Variants in FNDC3A observed in about 807,000 individuals in gnomAD.
FNDC3A encodes fibronectin type-III domain-containing protein 3A.
In FNDC3A, 32 loss-of-function variants were observed where a neutral mutation model predicts 148.9. That is an observed-to-expected ratio of 0.21 (90% CI 0.16 to 0.29). The LOEUF (loss-of-function observed/expected upper bound fraction) is 0.29. Ranked by LOEUF, FNDC3A falls within the 10% of genes least tolerant of loss-of-function variation. The pLI is 1.00. For missense variants in FNDC3A, 1,191 were observed against 1,452.8 expected, an observed-to-expected ratio of 0.82 and a Z score of 2.93; for synonymous variants, 472 against 473.6, an observed-to-expected ratio of 1.00 and a Z score of 0.04.
chr13:49,158,658 A>T (rs1883883762), intron 8 of FNDC3A, among the ~76,000 whole-genome samples: 1 of 152,150 alleles, frequency 6.6e-6, no homozygotes. Flanking sequence ...TTTTGTTGCC[A>T]TTGCTTTCGG....
intron 3 of FNDC3A, among the ~76,000 whole-genome samples, chr13:49,078,189 A>C (rs1878241644): frequency 6.6e-6 from 1 of 152,204 alleles, no homozygotes; most frequent in African/African-American, 2.4e-5. Flanking sequence ...GGATAACCAG[A>C]CCCTGAATTA....
At chr13:48,995,458 A>G (rs1211584440) in intron 1 of FNDC3A, among the ~76,000 whole-genome samples, 1 of 152,120 alleles carries the variant, frequency 6.6e-6, no homozygotes, top group Admixed American at 6.5e-5. Context: ...TTAAGCATAA[A>G]TCTTTTGAAT....
intron 1 of FNDC3A, among the ~76,000 whole-genome samples, chr13:48,992,880 T>G (rs1023218435): frequency 6.6e-6 from 1 of 152,200 alleles, no homozygotes; most frequent in African/African-American, 2.4e-5. Flanking sequence ...CAAGTAGTTA[T>G]AACAACTACT....
chr13:49,161,189 C>G (rs1299888067), intron 8 of FNDC3A, among the ~76,000 whole-genome samples: 1 of 152,078 alleles, frequency 6.6e-6, no homozygotes, highest in Non-Finnish European at 1.5e-5. Flanking sequence ...AACTTTCTGT[C>G]TTGTTGATCT....
intron 11 of FNDC3A, among the ~76,000 whole-genome samples, chr13:49,173,601 A>C (rs999670724): frequency 1.3e-5 from 2 of 152,192 alleles, no homozygotes; most frequent in Non-Finnish European, 2.9e-5. Context: ...CTTGAAACCA[A>C]AGCAAAAAGT....
rs1886067019 is a variant in FNDC3A at position 49,194,767 on chromosome 13, C to T, written c.2227-2110C>T. 1.3e-5 allele frequency among the ~76,000 whole-genome samples: 2 copies of T among 152,000 alleles called. 1 individual carries two copies. Among genetic ancestry groups the T allele is most frequent in the South Asian group, 4.1e-4 (2 of 4,824 alleles). ...ATCACAGTCTACTTCTTGTTTTATACATATGATAGTATAAAAGGTTTCTTT... is the reference window on the plus strand; with the variant it reads ...ATCACAGTCTACTTCTTGTTTTATATATATGATAGTATAAAAGGTTTCTTT... On this transcript the variant is annotated intron_variant, in intron 19 of 25. Transcript: ENST00000492622.
At chr13:49,117,809 G>A (rs1881064678) in intron 4 of FNDC3A, among the ~76,000 whole-genome samples, 1 of 152,122 alleles carries the variant, frequency 6.6e-6, no homozygotes, top group African/African-American at 2.4e-5. Context: ...GAAAATTTTG[G>A]TATCCACAGA....
At chr13:49,172,957 T>C (rs549198874) in intron 11 of FNDC3A, among the ~76,000 whole-genome samples, 1 of 152,188 alleles carries the variant, frequency 6.6e-6, no homozygotes, top group East Asian at 1.9e-4. Flanking sequence ...AAAGTAATGG[T>C]AAAAACAGCA....
At chr13:49,142,925 T>C (rs1299852393) in intron 7 of FNDC3A, among the ~76,000 whole-genome samples, 1 of 152,206 alleles carries the variant, frequency 6.6e-6, no homozygotes, top group Non-Finnish European at 1.5e-5. Flanking sequence ...TGGAGTGCAG[T>C]GGCATGATTT....
At chr13:49,153,562 C>T (rs1336206655) in intron 8 of FNDC3A, among the ~76,000 whole-genome samples, 3 of 152,126 alleles carry the variant, frequency 2.0e-5, no homozygotes, top group African/African-American at 7.2e-5. Context: ...GTTTCCATTG[C>T]TTTTGGTGTT....
intron 2 of FNDC3A, among the ~76,000 whole-genome samples, chr13:49,017,881 G>GA (rs1204124053): frequency 6.6e-6 from 1 of 152,070 alleles, no homozygotes; most frequent in Admixed American, 6.6e-5. Flanking sequence ...GGCTGGATAT[G>GA]AAATTCTGGG....
At chr13:49,075,800 G>GCCCCCCCCCCCCCCCCCCCCCCCCCCCC (rs57432537) in intron 3 of FNDC3A, among the ~76,000 whole-genome samples, 10 of 115,226 alleles carry the variant, frequency 8.7e-5, no homozygotes, top group African/African-American at 2.1e-4. Context: ...TATCACCACT[G>GCCCCCCCCCCCCCCCCCCCCCCCCCCCC]CCCCCCCCAC....
At chr13:49,113,157 T>G (rs1880688060) in intron 3 of FNDC3A, among the ~76,000 whole-genome samples, 2 of 150,934 alleles carry the variant, frequency 1.3e-5, no homozygotes, top group South Asian at 4.2e-4. Flanking sequence ...TCACTCTCCT[T>G]TACTGCCTCT....
chr13:49,143,763 C>A (rs1882820468), intron 7 of FNDC3A, among the ~76,000 whole-genome samples: 1 of 152,150 alleles, frequency 6.6e-6, no homozygotes, highest in Non-Finnish European at 1.5e-5. Flanking sequence ...TATCACCAGG[C>A]AAATTAGTGA....
chr13:49,156,777 T>C (rs1247904295), intron 8 of FNDC3A, among the ~76,000 whole-genome samples: 245 of 126,070 alleles, frequency 1.9e-3, no homozygotes, highest in African/African-American at 6.9e-3. Flanking sequence ...CCTTCACTTA[T>C]GAAGCTTAGT....
chr13:49,206,177 G>A (rs1343327725), intron 25 of FNDC3A, among the ~76,000 whole-genome samples: 1 of 152,174 alleles, frequency 6.6e-6, no homozygotes, highest in African/African-American at 2.4e-5. Flanking sequence ...TGCGCTAAGT[G>A]CTTTAACAAG....
chr13:48,994,244 G>T (rs1305252182), intron 1 of FNDC3A, among the ~76,000 whole-genome samples: 1 of 152,076 alleles, frequency 6.6e-6, no homozygotes, highest in East Asian at 1.9e-4. Context: ...ATTATTAAAG[G>T]CTTGACAGTC....
chr13:49,008,056 T>C (rs757298508), intron 2 of FNDC3A, among the ~76,000 whole-genome samples: 5 of 152,158 alleles, frequency 3.3e-5, no homozygotes, highest in Non-Finnish European at 5.9e-5. Context: ...GTTATAGCTA[T>C]GTGGGTGAAA....
chr13:49,056,740 A>G (rs1876276233), intron 2 of FNDC3A, among the ~76,000 whole-genome samples: 1 of 152,134 alleles, frequency 6.6e-6, no homozygotes, highest in African/African-American at 2.4e-5. Context: ...CACATTTTCG[A>G]ATTTCAAGCA....
Sources: gnomAD v4.1 joint callset for allele counts (sites outside exome capture counted in the v4.1 genomes callset) on GRCh38, gnomAD v4.1.1 for gene constraint, MANE v1.5 for transcripts, NCBI Gene and HGNC (gene_info 2026-07-23, HGNC 2026-07-21) for gene names.